SLC38A11: variants seen among roughly 807,000 people sequenced by gnomAD.
SLC38A11 encodes the protein putative sodium-coupled neutral amino acid transporter 11.
Under a neutral mutation model 49.4 loss-of-function variants are expected in SLC38A11, and 51 were observed. The observed-to-expected ratio is 1.03, with a 90% CI of 0.83 to 1.30. The LOEUF (loss-of-function observed/expected upper bound fraction) is 1.30. Ranked by LOEUF, SLC38A11 falls within the 50% of genes most tolerant of loss-of-function variation. The pLI is 0.00. For missense variants in SLC38A11, 574 were observed against 556.2 expected, an observed-to-expected ratio of 1.03 and a Z score of -0.32; for synonymous variants, 203 against 192.9, an observed-to-expected ratio of 1.05 and a Z score of -0.43.
Position 164,915,946 on chromosome 2 carries a change from A to C in SLC38A11, c.645T>G (p.Phe215Leu). The change falls in exon 8 of 12, where the codon TTT (phenylalanine) becomes TTG (leucine). Residue 215 changes from phenylalanine (F) to leucine (L), a missense_variant. Physicochemically the swap from Phe to Leu is conservative, Grantham distance 22. Transcript: ENST00000685975. ...CCGCTTGAATGGCATTGGGCTTTGC[A>C]AATACCCAAGCGTCTTCTGTTTTTG... ...HIPKTEDAWV[F>L]AKPNAIQAVG... 1 of 1,600,086 alleles carries C rather than the reference A, an allele frequency of 6.2e-7. No homozygotes were observed. The highest frequency in any genetic ancestry group is 1.7e-5 in the Admixed American group (1 of 59,864).
intron 9 of SLC38A11, among the ~76,000 whole-genome samples, chr2:164,913,947 A>C (rs16849922): frequency 0.33 from 50,090 of 151,866 alleles, 9,039 homozygotes; most frequent in South Asian, 0.55. Context: ...AGTGATCTGT[A>C]ACCTCTGTTC....
chr2:164,933,890 A>C (rs1687180474), intron 7 of SLC38A11, among the ~76,000 whole-genome samples: 1 of 152,162 alleles, frequency 6.6e-6, no homozygotes, highest in African/African-American at 2.4e-5. Flanking sequence ...AAAAGGTGGC[A>C]CAGTATTAAA....
chr2:164,952,082 AGAG>A (rs1688562122), intron 3 of SLC38A11, among the ~76,000 whole-genome samples: 1 of 152,192 alleles, frequency 6.6e-6, no homozygotes, highest in Non-Finnish European at 1.5e-5. Context: ...GACAACAAAA[AGAG>A]GAGATGATTA....
intron 11 of SLC38A11, among the ~76,000 whole-genome samples, chr2:164,907,581 C>G (rs914442251): frequency 7.9e-5 from 12 of 152,076 alleles, no homozygotes; most frequent in African/African-American, 2.9e-4. Flanking sequence ...GTCTTCATCA[C>G]CTATATTGCA....
intron 7 of SLC38A11, among the ~76,000 whole-genome samples, chr2:164,927,591 G>C (rs149722759): frequency 1.3e-5 from 2 of 152,244 alleles, no homozygotes; most frequent in East Asian, 3.9e-4. Flanking sequence ...TTCATCTGCT[G>C]TTATATGTAT....
chr2:164,922,376 C>G (rs1307737936), intron 7 of SLC38A11: 1 of 152,208 alleles, frequency 6.6e-6, no homozygotes, highest in East Asian at 1.9e-4. Context: ...GCCTGTCACA[C>G]CACAAGCTAT....
At chr2:164,905,386 C>A (rs1018903481) in intron 11 of SLC38A11, among the ~76,000 whole-genome samples, 2 of 152,144 alleles carry the variant, frequency 1.3e-5, no homozygotes, top group African/African-American at 4.8e-5. Context: ...CCTGCTTTGG[C>A]TTCTCAAAGT....
rs199668861 is a variant in SLC38A11, at chr2:164,915,222, G to C, written c.740C>G (p.Pro247Arg). The C allele has an allele frequency of 4.0e-5, 64 of 1,611,678 alleles. No homozygotes were observed. Among genetic ancestry groups the C allele is most frequent in the Non-Finnish European group, 5.3e-5 (62 of 1,178,670 alleles). The change falls in exon 9 of 12, where the codon CCC becomes CGC. Residue 247 changes from proline to arginine, a missense_variant. By Grantham distance (103) the Pro-to-Arg change is moderately radical (BLOSUM62 -2). Transcript: ENST00000685975. ...AAGGCGGGACCACTTAGCTACTGTGGGTTCTTCTAGAGAACTGTAAACTAA... is the reference window on the plus strand; with the variant it reads ...AAGGCGGGACCACTTAGCTACTGTGCGTTCTTCTAGAGAACTGTAAACTAA... ...SFLVYSSLEE[P>R]TVAKWSRLIH...
intron 11 of SLC38A11, among the ~76,000 whole-genome samples, chr2:164,905,587 G>A (rs1684945286): frequency 6.6e-6 from 1 of 152,100 alleles, no homozygotes; most frequent in African/African-American, 2.4e-5. Context: ...GTAAAGATTT[G>A]AATACGTTCT....
intron 9 of SLC38A11, among the ~76,000 whole-genome samples, chr2:164,913,440 A>G (rs980321930): frequency 6.6e-6 from 1 of 152,094 alleles, no homozygotes; most frequent in African/African-American, 2.4e-5. Flanking sequence ...GAAAGAGGTT[A>G]GAAAAGAAGA....
At chr2:164,900,196 T>C (rs1477293495) in intron 11 of SLC38A11, among the ~76,000 whole-genome samples, 1 of 152,110 alleles carries the variant, frequency 6.6e-6, no homozygotes, top group African/African-American at 2.4e-5. Flanking sequence ...TATCCATTCA[T>C]ACATCAATGA....
intron 9 of SLC38A11, among the ~76,000 whole-genome samples, chr2:164,913,381 G>C (rs774398856): frequency 1.6e-4 from 24 of 151,962 alleles, no homozygotes; most frequent in Admixed American, 1.5e-3. Context: ...TAGAAATGTC[G>C]AGGAGAATCT....
chr2:164,955,110 A>G (rs1300302412), intron 1 of SLC38A11, 99 bp downstream of exon 1: 39 of 1,213,032 alleles, frequency 3.2e-5, no homozygotes, highest in Non-Finnish European at 4.2e-5. Context: ...CGCGGTGCTA[A>G]ACCAAGAGCC....
At chr2:164,900,934 G>T (rs1684611178) in intron 11 of SLC38A11, among the ~76,000 whole-genome samples, 1 of 151,850 alleles carries the variant, frequency 6.6e-6, no homozygotes, top group East Asian at 1.9e-4. Flanking sequence ...TTACAGTTTT[G>T]GGCCTTACAT....
At chr2:164,947,600 A>G (rs1688224876) in intron 3 of SLC38A11, among the ~76,000 whole-genome samples, 1 of 152,180 alleles carries the variant, frequency 6.6e-6, no homozygotes, top group African/African-American at 2.4e-5. Flanking sequence ...TGAAGATCTC[A>G]TAGGCATCTT....
chr2:164,941,298 T>C (rs907358259), intron 5 of SLC38A11, among the ~76,000 whole-genome samples: 1 of 152,180 alleles, frequency 6.6e-6, no homozygotes, highest in Non-Finnish European at 1.5e-5. Context: ...CTTTGACTTA[T>C]ATCAAGAGCC....
chr2:164,910,996 T>C (rs947877236), intron 10 of SLC38A11, among the ~76,000 whole-genome samples: 4 of 151,884 alleles, frequency 2.6e-5, no homozygotes, highest in Non-Finnish European at 5.9e-5. Context: ...AATATATTTA[T>C]ATGTAAATAA....
chr2:164,908,051 T>A (rs1685140737), intron 11 of SLC38A11: 1 of 152,148 alleles, frequency 6.6e-6, no homozygotes, highest in Non-Finnish European at 1.5e-5. Context: ...TATGAGGACT[T>A]CTATTTGGTT....
Position 164,954,718 on chromosome 2 carries a change from C to T in SLC38A11, c.67G>A (p.Val23Ile), listed in dbSNP as rs1455107300. The change falls in exon 2 of 12, where the codon GTT (valine) becomes ATT (isoleucine). Residue 23 changes from valine to isoleucine, a missense_variant. Coordinates refer to ENST00000685975, the MANE Select transcript of SLC38A11 (RefSeq NM_001351537.2). ...TTCTCTTTATACTCATGTTCAGAAA[C>T]AAGGGTTTCTCTGTCATCTAAATCT... ...QRDLDDRETLVSEHEYKEKTC... is the reference protein window; with the variant it reads ...QRDLDDRETLISEHEYKEKTC... 4 of 1,534,424 alleles carry T rather than the reference C, an allele frequency of 2.6e-6. No homozygotes were observed. The East Asian group carries it at 7.4e-5, about 28-fold the overall frequency.
Sources: gnomAD v4.1 joint callset for allele counts (sites outside exome capture counted in the v4.1 genomes callset) on GRCh38, gnomAD v4.1.1 for gene constraint, MANE v1.5 for transcripts, NCBI Gene and HGNC (gene_info 2026-07-23, HGNC 2026-07-21) for gene names.